The following PSMB2 variants were observed in gnomAD, a reference collection of about 807,000 sequenced individuals.
PSMB2 encodes the protein proteasome 20S subunit beta 2, also known as proteasome subunit beta type-2.
PSMB2 carries 13 observed loss-of-function variants against 25.7 expected under a neutral mutation model. The ratio of observed to expected loss-of-function variants is 0.51; its 90% confidence interval spans 0.33 to 0.80. The LOEUF (loss-of-function observed/expected upper bound fraction) is 0.80, where lower values mean the gene tolerates loss of function less well. Among genes scored for constraint, PSMB2 ranks in the 30% least tolerant of loss-of-function variants. The probability of loss-of-function intolerance (pLI) is 0.02; values close to 1 mark genes in which losing one functional copy is unlikely to be tolerated. For missense variants in PSMB2, 202 were observed against 259.0 expected (o/e 0.78, Z 1.51); for synonymous variants, 87 against 96.2 (o/e 0.90, Z 0.56).
chr1:35,610,740 C>T (rs529412761), intron 3 of PSMB2, among the ~76,000 whole-genome samples: 3 of 152,248 alleles, frequency 2.0e-5, no homozygotes, highest in South Asian at 2.1e-4. Flanking sequence ...GTGATCCGCC[C>T]GCCTCGGCCT....
chr1:35,624,131 C>G (rs1238713070), intron 3 of PSMB2, among the ~76,000 whole-genome samples: 1 of 152,124 alleles, frequency 6.6e-6, no homozygotes, highest in Non-Finnish European at 1.5e-5. Flanking sequence ...TGACTAAGAC[C>G]TGAAATCCTT....
intron 3 of PSMB2, among the ~76,000 whole-genome samples, chr1:35,625,304 T>C (rs1252738691): frequency 6.6e-6 from 1 of 152,178 alleles, no homozygotes; most frequent in Non-Finnish European, 1.5e-5. Flanking sequence ...ACCCGACGAT[T>C]ACACATCATG....
intron 3 of PSMB2, among the ~76,000 whole-genome samples, chr1:35,623,618 C>G (rs558060124): frequency 2.6e-5 from 4 of 152,328 alleles, no homozygotes; most frequent in African/African-American, 7.2e-5. Context: ...AAAATAAACA[C>G]ATCTGCCTTT....
At position 35,641,466 on chromosome 1, in the gene PSMB2, C is replaced by G; in HGVS notation, c.-34G>C. The G allele has an allele frequency of 6.2e-7, 1 of 1,613,644 alleles. No individual in the cohort carries two copies. Among genetic ancestry groups the G allele is most frequent in the Non-Finnish European group, 8.5e-7 (1 of 1,179,792 alleles). On this transcript the variant is annotated 5_prime_UTR_variant, in exon 1 of 6. Transcript: ENST00000373237. ...AAGGCCAGGGGCTGCAGGTCCGACA[C>G]AGCACGAGACTCGCCCGCTTCCAGG...
intron 2 of PSMB2, among the ~76,000 whole-genome samples, chr1:35,635,815 C>T (rs1326398341): frequency 2.5e-5 from 3 of 120,900 alleles, no homozygotes; most frequent in Non-Finnish European, 4.7e-5. Context: ...GGCAACAGAG[C>T]GAGACTCCGT....
intron 3 of PSMB2, among the ~76,000 whole-genome samples, chr1:35,624,987 G>T (rs1320257387): frequency 6.6e-6 from 1 of 151,704 alleles, no homozygotes; most frequent in African/African-American, 2.4e-5. Flanking sequence ...CTTGAAACTG[G>T]AAGGTGGAGG....
At chr1:35,637,717 G>A (rs771926112) in intron 1 of PSMB2, among the ~76,000 whole-genome samples, 8 of 152,106 alleles carry the variant, frequency 5.3e-5, no homozygotes, top group Non-Finnish European at 8.8e-5. Flanking sequence ...TCTTAGACTT[G>A]GAGGGAAAAA....
intron 2 of PSMB2, among the ~76,000 whole-genome samples, chr1:35,632,164 A>G (rs1190268735): frequency 6.6e-6 from 1 of 152,276 alleles, no homozygotes; most frequent in African/African-American, 2.4e-5. Flanking sequence ...TATAAGCCAC[A>G]GAAAAAGAAC....
At chr1:35,628,596 A>AAAT (rs59538661) in intron 3 of PSMB2, among the ~76,000 whole-genome samples, 4 of 25,106 alleles carry the variant, frequency 1.6e-4, no homozygotes, top group African/African-American at 2.3e-4. Flanking sequence ...AAAAAAAAAA[A>AAAT]ATATATATAT....
intron 3 of PSMB2, among the ~76,000 whole-genome samples, chr1:35,630,235 A>G (rs1651050513): frequency 6.6e-6 from 1 of 152,206 alleles, no homozygotes; most frequent in Non-Finnish European, 1.5e-5. Context: ...TTTCACTAAC[A>G]CATAGAGACT....
In PSMB2 at chr1:35,601,620, T is replaced by A. The variant is rs1406215902; in HGVS notation, c.*1647A>T. 1 of 985,108 alleles carries A rather than the reference T, an allele frequency of 1.0e-6. No individual in the cohort carries two copies. Among genetic ancestry groups the A allele is most frequent in the East Asian group, 1.1e-4 (1 of 8,832 alleles). The allele number at this position is 985,108 out of a possible 1,614,324, so 61.0% of individuals were successfully genotyped here. A position where few individuals can be genotyped will look rare whatever the true frequency, so the allele number is the denominator to read the frequency against. ...CAATACTTTAATATGAACGTTATGA[T>A]CAGTAGGTAGTATCTTAGATGATAC... On this transcript the variant is annotated 3_prime_UTR_variant, in exon 6 of 6. Transcript: ENST00000373237.
Position 35,629,800 on chromosome 1 carries a change from G to T in PSMB2, c.285+1474C>A, listed in dbSNP as rs1225068357. The stretch of plus-strand genomic sequence containing the variant: ...ACTCCAGCCTGGGCAACTGGAGTGA[G>T]ACCCCGTCTCAAAAAAAAAAAGAAA... On this transcript the variant is annotated intron_variant, in intron 3 of 5. Coordinates refer to ENST00000373237, the MANE Select transcript of PSMB2 (RefSeq NM_002794.5). Among the ~76,000 whole-genome samples, 3 of 149,422 alleles carry T rather than the reference G, an allele frequency of 2.0e-5. No homozygotes were observed. In the East Asian group the frequency reaches 5.9e-4, roughly 29 times the overall value.
chr1:35,604,119 G>A (rs1352560173), intron 5 of PSMB2, among the ~76,000 whole-genome samples: 6 of 151,528 alleles, frequency 4.0e-5, no homozygotes, highest in South Asian at 2.1e-4. Context: ...TACTCCCAAC[G>A]CTCCTGCTCT....
intron 3 of PSMB2, among the ~76,000 whole-genome samples, chr1:35,616,817 TG>T (rs1463783933): frequency 2.6e-5 from 4 of 152,350 alleles, no homozygotes; most frequent in Admixed American, 6.5e-5. Flanking sequence ...CTATCTTTTT[TG>T]GGTGGGTTTG....
At chr1:35,607,910 G>A (rs1557447218) in intron 4 of PSMB2, among the ~76,000 whole-genome samples, 2 of 146,194 alleles carry the variant, frequency 1.4e-5, no homozygotes. Context: ...GAACTGGACG[G>A]TATTCTGCTA....
chr1:35,606,881 A>G (rs1456858482), intron 4 of PSMB2, among the ~76,000 whole-genome samples: 1 of 152,198 alleles, frequency 6.6e-6, no homozygotes, highest in Non-Finnish European at 1.5e-5. Context: ...GAATAGAGAA[A>G]TTAAGAAATT....
rs2148558717 is a variant in PSMB2, at chr1:35,600,525, G to A, written c.*2742C>T. 1.0e-6 allele frequency: 1 copy of A among 984,008 alleles called. No homozygotes were observed. The highest frequency in any genetic ancestry group is 1.2e-6 in the Non-Finnish European group (1 of 828,642). 61.0% of individuals were successfully genotyped at this position (984,008 alleles called of 1,614,324 possible). On this transcript the variant is annotated 3_prime_UTR_variant, in exon 6 of 6. Transcript: ENST00000373237. ...AATAAAACATTTATTAAAAATAAAT[G>A]ATGCCTGGGTTTCTGACTTGGGCAC...
chr1:35,605,203 T>A (rs1650127335), intron 5 of PSMB2, 30 bp downstream of exon 5: 1 of 1,583,044 alleles, frequency 6.3e-7, no homozygotes, highest in Non-Finnish European at 8.6e-7. Context: ...AGACAAACAT[T>A]CCTTTCAGGA....
intron 1 of PSMB2, among the ~76,000 whole-genome samples, chr1:35,639,079 C>T (rs1338230846): frequency 2.6e-5 from 4 of 151,968 alleles, no homozygotes; most frequent in Non-Finnish European, 5.9e-5. Flanking sequence ...ACTGGTGAAA[C>T]CCCGTTTCTA....
Sources: allele counts gnomAD v4.1 joint callset (sites outside exome capture counted in the v4.1 genomes callset), GRCh38; gene constraint gnomAD v4.1.1; transcripts MANE v1.5; gene names NCBI Gene and HGNC (gene_info 2026-07-23, HGNC 2026-07-21).